TSPAN19: variants seen among roughly 807,000 people sequenced by gnomAD.
The protein encoded by TSPAN19 is tetraspanin-19.
Under a neutral mutation model 35.1 loss-of-function variants are expected in TSPAN19, and 44 were observed. The ratio of observed to expected loss-of-function variants is 1.25; its 90% confidence interval spans 0.98 to 1.61. The LOEUF is 1.61. Among genes scored for constraint, TSPAN19 ranks in the 40% most tolerant of loss-of-function variants. The pLI, the probability that TSPAN19 is intolerant of heterozygous loss-of-function variation, is 0.00. For synonymous variants in TSPAN19, 79 were observed against 92.0 expected, an observed-to-expected ratio of 0.86 and a Z score of 0.81; for missense variants, 290 against 280.0, an observed-to-expected ratio of 1.04 and a Z score of -0.26.
At chr12:85,017,311 T>C in intron 7 of TSPAN19, 145 bp downstream of exon 7, 1 of 679,902 alleles carries the variant, frequency 1.5e-6, no homozygotes, top group Non-Finnish European at 2.5e-6. Context: ...TAATTACGTG[T>C]TCAACTTAGG....
rs745411205 is a variant in TSPAN19, at chr12:85,027,914, T to C, written c.249A>G (p.Arg83=). ...AAATACGTACCACAATTAGGAGCCA[T>C]CTGATTTCGTTGTGAATTCCTATAT... ...LGYIGIHNEI[R]WLLIVYAVLI... is the part of the protein sequence containing the mutation. Residue 83 remains arginine (R), a synonymous_variant, in exon 4 of 9, where the codon AGA becomes AGG. Coordinates refer to ENST00000532498, the MANE Select transcript of TSPAN19 (RefSeq NM_001100917.2). The C allele has an allele frequency of 1.3e-6, 2 of 1,578,566 alleles. No individual in the cohort carries two copies. Among genetic ancestry groups the C allele is most frequent in the Non-Finnish European group, 1.7e-6 (2 of 1,162,774 alleles).
rs764348720 is a variant in TSPAN19 at position 85,014,480 on chromosome 12, C to T, written c.*7G>A. On this transcript the variant is annotated 3_prime_UTR_variant, in exon 9 of 9. Coordinates refer to ENST00000532498, the MANE Select transcript of TSPAN19 (RefSeq NM_001100917.2). ...TGGTTTCTTCTGAACAAATTGAAAT[C>T]CAAAGGTCACATTTCTGCATGGATT... 4 of 1,584,400 alleles carry T rather than the reference C, an allele frequency of 2.5e-6. No homozygotes were observed. In the South Asian group the frequency reaches 3.5e-5, roughly 14 times the overall value.
chr12:85,022,635 C>CA, intron 5 of TSPAN19, among the ~76,000 whole-genome samples: 1 of 152,058 alleles, frequency 6.6e-6, no homozygotes, highest in Non-Finnish European at 1.5e-5. Flanking sequence ...TGATCCCTAA[C>CA]CATATTCATA....
At position 85,017,479 on chromosome 12, in the gene TSPAN19, G is replaced by A. The variant is rs1213228443; in HGVS notation, c.571C>T (p.Pro191Ser). 4 of 1,608,524 alleles carry A rather than the reference G, an allele frequency of 2.5e-6. No homozygotes were observed. The highest frequency in any genetic ancestry group is 1.7e-5 in the Admixed American group (1 of 59,358). Residue 191 changes from proline (P) to serine (S), a missense_variant, in exon 7 of 9, where the codon CCA becomes TCA. Transcript: ENST00000532498. ...ACCTCAAGGTAAGTTGCATTCAGTG[G>A]CTCATCACAAAACCATTTTCTTAAA... ...STLRKWFCDE[P>S]LNATYLEGCE...
intron 4 of TSPAN19, among the ~76,000 whole-genome samples, chr12:85,026,026 A>G (rs531748107): frequency 1.3e-5 from 2 of 152,162 alleles, no homozygotes; most frequent in African/African-American, 2.4e-5. Flanking sequence ...TCCAGGCCCT[A>G]ATCTGTCAGA....
intron 5 of TSPAN19, among the ~76,000 whole-genome samples, chr12:85,019,956 C>T (rs1360565604): frequency 2.6e-5 from 4 of 151,810 alleles, no homozygotes; most frequent in African/African-American, 9.7e-5. Context: ...ATATATTAGG[C>T]TCATTTTACA....
intron 4 of TSPAN19, among the ~76,000 whole-genome samples, chr12:85,025,833 G>A (rs1592664624): frequency 6.6e-6 from 1 of 152,268 alleles, no homozygotes; most frequent in Admixed American, 6.5e-5. Context: ...CCAAGACATG[G>A]AATAGCTTTT....
intron 8 of TSPAN19, 123 bp downstream of exon 8, chr12:85,015,765 C>A (rs1459658121): frequency 6.2e-6 from 4 of 640,736 alleles, no homozygotes; most frequent in African/African-American, 5.8e-5. Context: ...ATGTAAAGAG[C>A]CTCAAAGTCC....
At chr12:85,017,702 A>AT (rs1202539866) in intron 6 of TSPAN19, 103 bp from the exon 7 acceptor site, 4 of 799,974 alleles carry the variant, frequency 5.0e-6, no homozygotes, top group Non-Finnish European at 7.6e-6. Flanking sequence ...TAACTCATTA[A>AT]TTTTTCCCCA....
chr12:85,014,673 G>T, intron 8 of TSPAN19, 118 bp from the exon 9 acceptor site: 1 of 696,242 alleles, frequency 1.4e-6, no homozygotes, highest in East Asian at 2.9e-5. Flanking sequence ...GATCAAAACT[G>T]GTGAGAAAAT....
At chr12:85,026,914 T>G (rs931644503) in intron 4 of TSPAN19, among the ~76,000 whole-genome samples, 2 of 152,172 alleles carry the variant, frequency 1.3e-5, no homozygotes, top group Non-Finnish European at 2.9e-5. Context: ...ACCCAGACTT[T>G]CAGTGCTCCA....
chr12:85,034,233 C>A (rs576719439), intron 1 of TSPAN19, among the ~76,000 whole-genome samples: 34 of 152,184 alleles, frequency 2.2e-4, no homozygotes, highest in African/African-American at 7.0e-4. Flanking sequence ...CAAAGAAATA[C>A]CTGCTCTGCA....
chr12:85,021,333 G>A lies in TSPAN19; in HGVS notation c.340-1597C>T, dbSNP rs574550175. 1.6e-3 allele frequency among the ~76,000 whole-genome samples: 245 copies of A among 151,842 alleles called. 1 individual carries two copies. The highest frequency in any genetic ancestry group is 2.6e-3 in the Non-Finnish European group (174 of 67,860). ...TGGGAATATCACAGTAATTATAAAA[G>A]GCATGTAAGCTAAAATCTTACTTAG... On this transcript the variant is annotated intron_variant, in intron 5 of 8. Coordinates refer to ENST00000532498, the MANE Select transcript of TSPAN19 (RefSeq NM_001100917.2).
intron 5 of TSPAN19, among the ~76,000 whole-genome samples, chr12:85,020,102 C>T (rs981579252): frequency 6.6e-6 from 1 of 151,820 alleles, no homozygotes; most frequent in Non-Finnish European, 1.5e-5. Context: ...GGACACTAGG[C>T]TTTTTCTGGC....
chr12:85,031,566 T>C (rs1877685164), intron 1 of TSPAN19, among the ~76,000 whole-genome samples: 1 of 152,134 alleles, frequency 6.6e-6, no homozygotes, highest in South Asian at 2.1e-4. Flanking sequence ...GCTGCAATAC[T>C]TTATCAAAGG....
At chr12:85,014,764 A>T in intron 8 of TSPAN19, 1 of 429,640 alleles carries the variant, frequency 2.3e-6, no homozygotes, top group Non-Finnish European at 4.2e-6. Context: ...TACCAAGTTC[A>T]CGTACAGAGG....
intron 5 of TSPAN19, 138 bp from the exon 6 acceptor site, chr12:85,019,874 T>C: frequency 1.8e-6 from 1 of 546,844 alleles, no homozygotes; most frequent in Non-Finnish European, 3.2e-6. Flanking sequence ...TTATTTCTTT[T>C]TAAAATAACT....
chr12:85,033,483 A>G (rs2135821004), intron 1 of TSPAN19, among the ~76,000 whole-genome samples: 1 of 152,170 alleles, frequency 6.6e-6, no homozygotes, highest in Non-Finnish European at 1.5e-5. Flanking sequence ...ACAATATGAG[A>G]GATGTAGTAG....
chr12:85,028,001 T>C lies in TSPAN19; in HGVS notation c.162A>G (p.Val54=). 1 of 1,575,538 alleles carries C rather than the reference T, an allele frequency of 6.3e-7. No individual in the cohort carries two copies. The highest frequency in any genetic ancestry group is 8.6e-7 in the Non-Finnish European group (1 of 1,157,062). The stretch of plus-strand genomic sequence containing the variant: ...TTCCAATCAAAATTTGAGAAATAGG[T>C]ACTATGAAGTGATTATTTTCATCTG... ...TAFDENNHFI[V]PISQILIGMG... is the part of the protein sequence containing the mutation. Residue 54 remains valine (V), a synonymous_variant, in exon 4 of 9, where the codon GTA becomes GTG. Transcript: ENST00000532498.
Sources: gnomAD v4.1 joint callset for allele counts (sites outside exome capture counted in the v4.1 genomes callset) on GRCh38, gnomAD v4.1.1 for gene constraint, MANE v1.5 for transcripts, NCBI Gene and HGNC (gene_info 2026-07-23, HGNC 2026-07-21) for gene names.